NTRK3: variants seen among roughly 807,000 people sequenced by gnomAD.
NTRK3 encodes NT-3 growth factor receptor.
In NTRK3, 24 loss-of-function variants were observed where a neutral mutation model predicts 91.7. That is an observed-to-expected ratio of 0.26 (90% CI 0.19 to 0.37). The LOEUF (loss-of-function observed/expected upper bound fraction) is 0.37. Ranked by LOEUF, NTRK3 falls within the 10% of genes least tolerant of loss-of-function variation. The probability of loss-of-function intolerance (pLI) is 1.00; values close to 1 mark genes in which losing one functional copy is unlikely to be tolerated. For missense variants in NTRK3, 880 were observed against 1,068.9 expected (o/e 0.82, Z 2.46); for synonymous variants, 483 against 404.0 (o/e 1.20, Z -2.34).
intron 18 of NTRK3, among the ~76,000 whole-genome samples, chr15:87,880,019 G>T (rs544015586): frequency 6.6e-6 from 1 of 152,292 alleles, no homozygotes; most frequent in East Asian, 1.9e-4. Context: ...AAGGGTAGCA[G>T]ATTTAACAGA....
At chr15:88,105,498 C>T (rs1472164104) in intron 13 of NTRK3, among the ~76,000 whole-genome samples, 1 of 152,106 alleles carries the variant, frequency 6.6e-6, no homozygotes, top group Non-Finnish European at 1.5e-5. Context: ...CCATGCAGTC[C>T]CAGAGGCAGG....
intron 14 of NTRK3, among the ~76,000 whole-genome samples, chr15:87,952,532 C>T (rs969817063): frequency 3.9e-5 from 6 of 152,174 alleles, no homozygotes; most frequent in African/African-American, 1.2e-4. Flanking sequence ...CAGACAGCTC[C>T]CCGTCCCTCC....
intron 10 of NTRK3, among the ~76,000 whole-genome samples, chr15:88,133,825 C>T (rs935510398): frequency 1.6e-4 from 25 of 152,334 alleles, no homozygotes; most frequent in African/African-American, 6.0e-4. Flanking sequence ...GGGCCTCAAA[C>T]ATCTGCACAT....
chr15:88,022,616 G>A (rs1402359843), intron 14 of NTRK3, among the ~76,000 whole-genome samples: 4 of 152,086 alleles, frequency 2.6e-5, no homozygotes, highest in African/African-American at 9.7e-5. Flanking sequence ...CTAGGCCACT[G>A]AGCGAAACAG....
chr15:88,004,530 ATACCAACATGT>A (rs776875949), intron 14 of NTRK3, among the ~76,000 whole-genome samples: 80 of 152,230 alleles, frequency 5.3e-4, no homozygotes, highest in Non-Finnish European at 9.1e-4. Context: ...CGGGCCAAAA[ATACCAACATGT>A]TGCCAAGCAT....
chr15:87,899,105 G>T (rs1360765702), intron 17 of NTRK3, among the ~76,000 whole-genome samples: 1 of 152,194 alleles, frequency 6.6e-6, no homozygotes, highest in African/African-American at 2.4e-5. Context: ...AATGGTGTCA[G>T]TAGTGTTGTA....
intron 14 of NTRK3, among the ~76,000 whole-genome samples, chr15:88,017,345 G>GA (rs1286971675): frequency 6.6e-6 from 1 of 152,216 alleles, no homozygotes; most frequent in African/African-American, 2.4e-5. Context: ...CAAGGATGCA[G>GA]AAGGAAAAGA....
At chr15:87,929,087 T>C (rs2068568869) in intron 17 of NTRK3, 104 bp downstream of exon 17, 2 of 1,555,968 alleles carry the variant, frequency 1.3e-6, no homozygotes, top group African/African-American at 1.4e-5. Flanking sequence ...CATGGGTGTG[T>C]ATATGTGTGT....
chr15:88,238,229 C>G (rs924974983), intron 3 of NTRK3, among the ~76,000 whole-genome samples: 1 of 152,144 alleles, frequency 6.6e-6, no homozygotes, highest in Non-Finnish European at 1.5e-5. Flanking sequence ...GCCACCCAGT[C>G]TGTGAGACCT....
intron 14 of NTRK3, among the ~76,000 whole-genome samples, chr15:87,955,448 C>T (rs2071558951): frequency 6.6e-6 from 1 of 152,220 alleles, no homozygotes; most frequent in African/African-American, 2.4e-5. Context: ...CACGGCATGG[C>T]TCAGGGAACC....
In NTRK3 at chr15:87,875,289, C is replaced by T. The variant is rs567373176; in HGVS notation, c.*1646G>A. 1.1e-3 allele frequency: 248 copies of T among 230,274 alleles called. 1 individual carries two copies. Among genetic ancestry groups the T allele is most frequent in the African/African-American group, 5.0e-3 (227 of 45,272 alleles). The allele number at this position is 230,274 out of a possible 1,614,324, so 14.3% of individuals were successfully genotyped here. ...GGGGCCCCGTGGCCTGGGAGGAACA[C>T]ATCCTCTCCTCTCCAGCAGAGGAGA... On this transcript the variant is annotated 3_prime_UTR_variant, in exon 19 of 19. Coordinates refer to ENST00000394480, the Ensembl canonical transcript of NTRK3.
intron 17 of NTRK3, among the ~76,000 whole-genome samples, chr15:87,900,306 C>A (rs986335101): frequency 6.6e-6 from 1 of 152,262 alleles, no homozygotes; most frequent in South Asian, 2.1e-4. Flanking sequence ...CATCTATTAA[C>A]CCAGCCACAC....
intron 3 of NTRK3, among the ~76,000 whole-genome samples, chr15:88,254,455 A>T (rs2053783127): frequency 6.6e-6 from 1 of 152,084 alleles, no homozygotes; most frequent in Admixed American, 6.5e-5. Flanking sequence ...CAGAGCTGAG[A>T]TATGGGTCAA....
chr15:87,991,994 G>A (rs1396398949), intron 14 of NTRK3, among the ~76,000 whole-genome samples: 2 of 150,810 alleles, frequency 1.3e-5, no homozygotes, highest in African/African-American at 4.9e-5. Flanking sequence ...AACAAATCTT[G>A]GCTTATGCTT....
intron 3 of NTRK3, among the ~76,000 whole-genome samples, chr15:88,207,937 CT>C (rs1020048255): frequency 6.6e-6 from 1 of 152,188 alleles, no homozygotes; most frequent in Non-Finnish European, 1.5e-5. Flanking sequence ...AACAGGTAAC[CT>C]TGTGGATTCT....
intron 5 of NTRK3, among the ~76,000 whole-genome samples, chr15:88,165,902 T>A (rs775162273): frequency 5.9e-5 from 9 of 152,178 alleles, no homozygotes; most frequent in Non-Finnish European, 1.2e-4. Context: ...AGCAAGAAGT[T>A]GTCTTGATCT....
intron 14 of NTRK3, chr15:87,978,625 AAGG>A (rs1480001055): frequency 4.3e-6 from 1 of 231,088 alleles, no homozygotes; most frequent in South Asian, 1.8e-4. Flanking sequence ...TCTCCTCTGC[AAGG>A]AGTTTTCTAA....
intron 3 of NTRK3, chr15:88,252,829 G>A (rs979103429): frequency 3.3e-5 from 5 of 152,268 alleles, no homozygotes; most frequent in Admixed American, 1.3e-4. Context: ...GGGTGGAGGT[G>A]AGACCCACAC....
chr15:87,874,867 C>G (rs889899773), exon 19 of NTRK3: 4 of 231,650 alleles, frequency 1.7e-5, no homozygotes, highest in Non-Finnish European at 3.4e-5. Flanking sequence ...TCAATCCAAA[C>G]AGCTTTCCTG....
Sources: gnomAD v4.1 joint callset for allele counts (sites outside exome capture counted in the v4.1 genomes callset) on GRCh38, gnomAD v4.1.1 for gene constraint, MANE v1.5 for transcripts, NCBI Gene and HGNC (gene_info 2026-07-23, HGNC 2026-07-21) for gene names.